The following DMXL1 variants were observed in gnomAD, a reference collection of about 807,000 sequenced individuals.
The protein encoded by DMXL1 is Dmx like 1, also known as dmX-like protein 1.
DMXL1 carries 99 observed loss-of-function variants against 319.2 expected under a neutral mutation model. The observed-to-expected ratio is 0.31, with a 90% CI of 0.26 to 0.37. The LOEUF (loss-of-function observed/expected upper bound fraction) is 0.37, where lower values mean the gene tolerates loss of function less well. Ranked by LOEUF, DMXL1 falls within the 10% of genes least tolerant of loss-of-function variation. The pLI is 1.00. For missense variants in DMXL1, 3,745 were observed against 3,595.6 expected, an observed-to-expected ratio of 1.04 and a Z score of -1.06; for synonymous variants, 1,385 against 1,235.2, an observed-to-expected ratio of 1.12 and a Z score of -2.54.
At chr5:119,233,084 T>C (rs914389772) in intron 38 of DMXL1, among the ~76,000 whole-genome samples, 6 of 152,056 alleles carry the variant, frequency 3.9e-5, no homozygotes, top group Non-Finnish European at 7.4e-5. Context: ...GAGATAACTT[T>C]AAAGGGAAAT....
chr5:119,105,513 C>T (rs1391571568), intron 4 of DMXL1, among the ~76,000 whole-genome samples: 2 of 152,094 alleles, frequency 1.3e-5, no homozygotes, highest in African/African-American at 4.8e-5. Context: ...GGAGAATTAA[C>T]GTTTCATTGA....
chr5:119,114,617 C>T, intron 6 of DMXL1, 76 bp downstream of exon 6: 3 of 944,720 alleles, frequency 3.2e-6, no homozygotes, highest in Non-Finnish European at 4.8e-6. Context: ...CAACTGGCTT[C>T]ATTCTTTTAT....
chr5:119,097,918 T>C (rs1756358398), intron 1 of DMXL1, 61 bp from the exon 2 acceptor site: 2 of 1,368,072 alleles, frequency 1.5e-6, no homozygotes, highest in African/African-American at 2.9e-5. Flanking sequence ...TTAATACTAG[T>C]ATTCTACATG....
intron 25 of DMXL1, among the ~76,000 whole-genome samples, chr5:119,174,414 G>A (rs1424888605): frequency 6.6e-6 from 1 of 152,212 alleles, no homozygotes; most frequent in East Asian, 1.9e-4. Context: ...CTCTCTTGCA[G>A]AAGCTGCAAA....
At chr5:119,080,225 T>A (rs1580567701) in intron 1 of DMXL1, among the ~76,000 whole-genome samples, 1 of 152,152 alleles carries the variant, frequency 6.6e-6, no homozygotes, top group Non-Finnish European at 1.5e-5. Context: ...TGGGTGCCTA[T>A]GATCTCAGCT....
In DMXL1 at chr5:119,097,968, TA is replaced by T. The variant is rs774676582; in HGVS notation, c.88-10del. ...GACACTTTTATCATTTTTATTTATT[TA>T]TTTTTTTAGGCTTATGCATCTGGAT... On this transcript the variant is annotated splice_polypyrimidine_tract_variant and intron_variant, in intron 1 of 43. Transcript: ENST00000539542. 8.8e-6 allele frequency: 14 copies of T among 1,592,334 alleles called. No homozygotes were observed. Among genetic ancestry groups the T allele is most frequent in the South Asian group, 3.4e-5 (3 of 88,086 alleles).
rs1314407121 is a variant in DMXL1, at chr5:119,181,219, G to A, written c.7135+2975G>A. Among the ~76,000 whole-genome samples the A allele has an allele frequency of 3.9e-5, 6 of 152,168 alleles. No homozygotes were observed. The South Asian group carries it at 6.2e-4, about 16-fold the overall frequency. ...TATCCTACCACTTATTTAACCCCAA[G>A]TAAAAAATAAAGTGACCTAAAATTA... On this transcript the variant is annotated intron_variant, in intron 28 of 43. Transcript: ENST00000539542.
chr5:119,117,184 A>G (rs1006703684), intron 7 of DMXL1, among the ~76,000 whole-genome samples: 2 of 152,076 alleles, frequency 1.3e-5, no homozygotes, highest in Non-Finnish European at 2.9e-5. Context: ...GTGTGCCACC[A>G]TGCTGGGCTA....
intron 13 of DMXL1, among the ~76,000 whole-genome samples, chr5:119,143,272 A>G (rs553404267): frequency 3.9e-5 from 6 of 152,210 alleles, no homozygotes; most frequent in Non-Finnish European, 7.4e-5. Flanking sequence ...TAGGGTGGAA[A>G]TACAAGGGTG....
chr5:119,103,039 T>G (rs1383505865), intron 3 of DMXL1, among the ~76,000 whole-genome samples: 1 of 151,676 alleles, frequency 6.6e-6, no homozygotes, highest in East Asian at 1.9e-4. Flanking sequence ...AATTTACCTA[T>G]GTAACAAATC....
At chr5:119,144,405 T>C in intron 14 of DMXL1, 131 bp from the exon 15 acceptor site, 1 of 667,884 alleles carries the variant, frequency 1.5e-6, no homozygotes, top group Non-Finnish European at 2.6e-6. Context: ...GCCATACGCT[T>C]ACGTTCTGCT....
chr5:119,149,122 T>C lies in DMXL1; in HGVS notation c.3295T>C (p.Leu1099=), dbSNP rs781199539. Residue 1099 remains leucine, a synonymous_variant, in exon 18 of 44, where the codon TTA becomes CTA. Coordinates refer to ENST00000539542, the MANE Select transcript of DMXL1 (RefSeq NM_001290321.3). The part of the protein sequence containing the change: ...SCWVLEQTIH[L]DELSTVLDSG... ...TTGGGTCCTTGAGCAGACAATTCATTTAGATGAGTTAAGCACAGTATTGGA... is the reference window on the plus strand; with the variant it reads ...TTGGGTCCTTGAGCAGACAATTCATCTAGATGAGTTAAGCACAGTATTGGA... 1.2e-6 allele frequency: 2 copies of C among 1,613,818 alleles called. No homozygotes were observed. The highest frequency in any genetic ancestry group is 1.7e-6 in the Non-Finnish European group (2 of 1,179,870).
chr5:119,214,012 C>G (rs933081803), intron 34 of DMXL1, among the ~76,000 whole-genome samples: 7 of 152,108 alleles, frequency 4.6e-5, no homozygotes, highest in Non-Finnish European at 8.8e-5. Flanking sequence ...GAATTCAGTT[C>G]TCTAACTTTT....
chr5:119,084,075 A>G (rs1752795544), intron 1 of DMXL1, among the ~76,000 whole-genome samples: 1 of 151,636 alleles, frequency 6.6e-6, no homozygotes, highest in South Asian at 2.1e-4. Context: ...CCTGTTGGCC[A>G]TTTGTATGTC....
chr5:119,164,090 C>G (rs2150222470), intron 19 of DMXL1, among the ~76,000 whole-genome samples: 1 of 150,592 alleles, frequency 6.6e-6, no homozygotes, highest in South Asian at 2.1e-4. Context: ...GAACTGCTTG[C>G]TTGATGTTTT....
rs76549579 is a variant in DMXL1 at position 119,080,899 on chromosome 5, A to G, written c.87+9243A>G. Among the ~76,000 whole-genome samples, 283 of 152,290 alleles carry G rather than the reference A, an allele frequency of 1.9e-3. 1 individual carries two copies. Among genetic ancestry groups the G allele is most frequent in the African/African-American group, 6.4e-3 (268 of 41,554 alleles). Reference sequence around the variant, plus strand: ...TTTCAAGCCATTTCACAAGCTCTTCAGGAAACTTTTCAATTACCCCTCCCT... The same window carrying G: ...TTTCAAGCCATTTCACAAGCTCTTCGGGAAACTTTTCAATTACCCCTCCCT... On this transcript the variant is annotated intron_variant, in intron 1 of 43. Transcript: ENST00000539542.
At chr5:119,108,659 G>GT (rs1455881612) in intron 4 of DMXL1, among the ~76,000 whole-genome samples, 1 of 152,108 alleles carries the variant, frequency 6.6e-6, no homozygotes, top group Non-Finnish European at 1.5e-5. Context: ...GGCTCAAGCA[G>GT]TCCTCCCACC....
Position 119,121,587 on chromosome 5 carries a change from C to T in DMXL1, c.1102+448C>T, listed in dbSNP as rs532143120. Among the ~76,000 whole-genome samples the T allele has an allele frequency of 3.4e-3, 515 of 152,248 alleles. 3 individuals are homozygous for T. Among genetic ancestry groups the T allele is most frequent in the African/African-American group, 0.012 (507 of 41,566 alleles). On this transcript the variant is annotated intron_variant, in intron 9 of 43. Coordinates refer to ENST00000539542, the MANE Select transcript of DMXL1 (RefSeq NM_001290321.3). ...GACACAGCACATGTTTCAGAGAGCA[C>T]AGGGTTGGGGGTAAGGTCACAGATC...
At chr5:119,120,629 A>C (rs1022734104) in intron 8 of DMXL1, among the ~76,000 whole-genome samples, 2 of 152,236 alleles carry the variant, frequency 1.3e-5, no homozygotes, top group South Asian at 2.1e-4. Flanking sequence ...GTATGTAGAG[A>C]TATCAGTCAC....
Sources: gnomAD v4.1 joint callset for allele counts (sites outside exome capture counted in the v4.1 genomes callset) on GRCh38, gnomAD v4.1.1 for gene constraint, MANE v1.5 for transcripts, NCBI Gene and HGNC (gene_info 2026-07-23, HGNC 2026-07-21) for gene names.